The following DMXL2 variants were observed in gnomAD, a reference collection of about 807,000 sequenced individuals.
DMXL2 encodes the protein dmX-like protein 2.
A neutral mutation model predicts 331.1 loss-of-function variants in DMXL2; 103 were observed. The ratio of observed to expected loss-of-function variants is 0.31; its 90% CI spans 0.27 to 0.37. The LOEUF (loss-of-function observed/expected upper bound fraction) is 0.37, where lower values mean the gene tolerates loss of function less well. DMXL2 is among the 10% of genes least tolerant of loss of function. The pLI is 1.00. For synonymous variants in DMXL2, 1,281 were observed against 1,252.1 expected (o/e 1.02, Z -0.49); for missense variants, 3,171 against 3,642.9 (o/e 0.87, Z 3.33).
chr15:51,469,261 CCAAA>C (rs1252046597), intron 29 of DMXL2, among the ~76,000 whole-genome samples: 1 of 150,624 alleles, frequency 6.6e-6, no homozygotes, highest in Non-Finnish European at 1.5e-5. Context: ...GGATTTGCTT[CCAAA>C]CAAAGTAGTG....
At position 51,479,566 on chromosome 15, in the gene DMXL2, C is replaced by T. The variant is rs73399545; in HGVS notation, c.6756+382G>A. On this transcript the variant is annotated intron_variant, in intron 25 of 43. Coordinates refer to ENST00000560891, the MANE Select transcript of DMXL2 (RefSeq NM_001378457.1). ...CACTCTCTCTGGGACCATTTGTGAC[C>T]AGTCATGCTTCCCTCCCAGATACTC... Among the ~76,000 whole-genome samples, 804 of 152,280 alleles carry T rather than the reference C, an allele frequency of 5.3e-3. 9 individuals are homozygous for T. Among genetic ancestry groups the T allele is most frequent in the African/African-American group, 0.018 (745 of 41,556 alleles).
At chr15:51,603,031 G>A (rs1187642817) in intron 1 of DMXL2, among the ~76,000 whole-genome samples, 2 of 152,022 alleles carry the variant, frequency 1.3e-5, no homozygotes, top group African/African-American at 4.8e-5. Flanking sequence ...AAGAAGTGTG[G>A]GCACTCCCCA....
chr15:51,487,014 A>G (rs117277147), intron 22 of DMXL2, among the ~76,000 whole-genome samples: 2 of 152,246 alleles, frequency 1.3e-5, no homozygotes, highest in Non-Finnish European at 2.9e-5. Flanking sequence ...TTAATTGAAT[A>G]TTTCCTGTTT....
At chr15:51,488,519 G>A in intron 21 of DMXL2, 29 bp downstream of exon 21, 2 of 1,551,158 alleles carry the variant, frequency 1.3e-6, no homozygotes, top group Non-Finnish European at 1.8e-6. Context: ...TCATTCTGTT[G>A]AATCACGTTA....
chr15:51,527,499 A>G (rs951397729), intron 13 of DMXL2, among the ~76,000 whole-genome samples: 1 of 148,512 alleles, frequency 6.7e-6, no homozygotes, highest in Admixed American at 6.7e-5. Context: ...GAGGCCGAGG[A>G]GGGCAGATTG....
intron 3 of DMXL2, 89 bp from the exon 4 acceptor site, chr15:51,565,255 T>C (rs2050197407): frequency 2.7e-6 from 2 of 754,434 alleles, no homozygotes; most frequent in Non-Finnish European, 4.1e-6. Context: ...ATCATTTTCT[T>C]CAACTTAAGA....
chr15:51,514,824 GAA>G (rs35796044), intron 14 of DMXL2, among the ~76,000 whole-genome samples: 1,868 of 126,690 alleles, frequency 0.015, 34 homozygotes, highest in East Asian at 0.074. Flanking sequence ...TGCTTCTCAG[GAA>G]AAAAAAAAAA....
At chr15:51,610,368 G>A (rs544422916) in intron 1 of DMXL2, among the ~76,000 whole-genome samples, 62 of 152,194 alleles carry the variant, frequency 4.1e-4, no homozygotes, top group African/African-American at 1.5e-3. Context: ...ACAGAAAAGC[G>A]GTAAAGTTTT....
chr15:51,526,173 G>A (rs1416035069), intron 13 of DMXL2, among the ~76,000 whole-genome samples: 1 of 128,732 alleles, frequency 7.8e-6, no homozygotes, highest in Non-Finnish European at 1.7e-5. Flanking sequence ...AGAGAAAGAA[G>A]GGGGGTGGGT....
chr15:51,468,894 T>C lies in DMXL2; in HGVS notation c.7392+2329A>G, dbSNP rs575230558. The stretch of plus-strand genomic sequence containing the variant: ...ATGGTGATGCCATCAGCAAAATCCA[T>C]TGAAAAATTCTAAAGGTCAAAATTC... On this transcript the variant is annotated intron_variant, in intron 29 of 43. Transcript: ENST00000560891. Among the ~76,000 whole-genome samples the C allele has an allele frequency of 3.3e-5, 5 of 152,086 alleles. No homozygotes were observed. The East Asian group carries it at 5.8e-4, about 18-fold the overall frequency.
chr15:51,555,966 A>G (rs1395210005), intron 6 of DMXL2, among the ~76,000 whole-genome samples: 1 of 152,216 alleles, frequency 6.6e-6, no homozygotes, highest in African/African-American at 2.4e-5. Context: ...GCATAACATC[A>G]ACATAAAAAT....
rs2041615405 is a variant in DMXL2, at chr15:51,476,732, GGTTCA to G, written c.6834-18_6834-14del. The G allele has an allele frequency of 6.3e-7, 1 of 1,584,394 alleles. No homozygotes were observed. Among genetic ancestry groups the G allele is most frequent in the Admixed American group, 1.9e-5 (1 of 51,308 alleles). Reference sequence around the variant, plus strand: ...TTCTGTTTGACTGCTAAAACAAATAGGTTCAGTTATTTATCATCCTGAGAGGTAAT... The same window carrying G: ...TTCTGTTTGACTGCTAAAACAAATAGGTTATTTATCATCCTGAGAGGTAAT... On this transcript the variant is annotated splice_polypyrimidine_tract_variant and intron_variant, in intron 26 of 43. Transcript: ENST00000560891.
Position 51,488,594 on chromosome 15 carries a change from A to G in DMXL2, c.5005T>C (p.Phe1669Leu), listed in dbSNP as rs1397978704. ...GCTTTCTTCTTCATTGAAAGGTAGA[A>G]TAGTGCAGCATCTAAGGCATCATTG... ...RNNDALDAAL[F>L]YLSMKKKAVV... Residue 1669 changes from phenylalanine to leucine, a missense_variant, in exon 21 of 44, where the codon TTC becomes CTC. This residue lies in a region of DMXL2 where 252 missense variants were observed against 387.4 expected (regional missense o/e 0.65). Coordinates refer to ENST00000560891, the MANE Select transcript of DMXL2 (RefSeq NM_001378457.1). 6.2e-7 allele frequency: 1 copy of G among 1,613,532 alleles called. No individual in the cohort carries two copies. Among genetic ancestry groups the G allele is most frequent in the Non-Finnish European group, 8.5e-7 (1 of 1,179,840 alleles).
At chr15:51,471,501 T>C (rs1303894583) in intron 28 of DMXL2, 100 bp from the exon 29 acceptor site, 6 of 1,185,858 alleles carry the variant, frequency 5.1e-6, no homozygotes, top group African/African-American at 3.1e-5. Context: ...CATGTTTTGG[T>C]CTAAACTAAA....
intron 6 of DMXL2, among the ~76,000 whole-genome samples, chr15:51,561,268 C>A (rs1347049932): frequency 2.0e-5 from 3 of 152,152 alleles, no homozygotes; most frequent in Non-Finnish European, 4.4e-5. Context: ...TTAACAGGTC[C>A]CCCAAATGTC....
intron 30 of DMXL2, 88 bp downstream of exon 30, chr15:51,466,093 GATA>G (rs2040544126): frequency 1.9e-6 from 2 of 1,053,832 alleles, no homozygotes; most frequent in African/African-American, 1.7e-5. Context: ...ATAAATTCAG[GATA>G]ATAATGTTAT....
Position 51,471,308 on chromosome 15 carries a change from G to A in DMXL2, c.7307C>T (p.Pro2436Leu), listed in dbSNP as rs775777148. ...VPGRPVKDAT[P>L]PPVPAERPSY... Reference sequence around the variant, plus strand: ...TGGTCTTTCTGCAGGCACCGGTGGTGGGGTAGCATCTTTTACAGGCCTTCC... The same window carrying A: ...TGGTCTTTCTGCAGGCACCGGTGGTAGGGTAGCATCTTTTACAGGCCTTCC... Residue 2436 changes from proline (P) to leucine (L), a missense_variant, in exon 29 of 44, where the codon CCA becomes CTA. Physicochemically the swap from Pro to Leu is moderately conservative, Grantham distance 98 (BLOSUM62 -3). This residue lies in a region of DMXL2 where 766 missense variants were observed against 940.5 expected (regional missense o/e 0.81). Coordinates refer to ENST00000560891, the MANE Select transcript of DMXL2 (RefSeq NM_001378457.1). 1 of 1,613,956 alleles carries A rather than the reference G, an allele frequency of 6.2e-7. No individual in the cohort carries two copies. Among genetic ancestry groups the A allele is most frequent in the African/African-American group, 1.3e-5 (1 of 74,990 alleles).
intron 13 of DMXL2, among the ~76,000 whole-genome samples, chr15:51,524,268 T>C (rs1439604733): frequency 6.6e-6 from 1 of 152,214 alleles, no homozygotes; most frequent in Non-Finnish European, 1.5e-5. Flanking sequence ...AGTTCTCCTC[T>C]AGGTTTGTTA....
intron 1 of DMXL2, among the ~76,000 whole-genome samples, chr15:51,587,667 C>A (rs189154214): frequency 9.3e-4 from 141 of 152,236 alleles, no homozygotes; most frequent in African/African-American, 3.3e-3. Flanking sequence ...GATTTATAAA[C>A]CTTTGGGTAT....
Sources: allele counts gnomAD v4.1 joint callset (sites outside exome capture counted in the v4.1 genomes callset), GRCh38; gene constraint gnomAD v4.1.1; regional missense constraint gnomAD v4.1.1; transcripts MANE v1.5; gene names NCBI Gene and HGNC (gene_info 2026-07-23, HGNC 2026-07-21).